Variants in ZBTB20 observed in about 807,000 individuals in gnomAD.
The protein encoded by ZBTB20 is zinc finger and BTB domain containing 20, also known as zinc finger and BTB domain-containing protein 20.
A neutral mutation model predicts 56.9 loss-of-function variants in ZBTB20; 9 were observed. The observed-to-expected ratio is 0.16, with a 90% CI of 0.10 to 0.28. The LOEUF (loss-of-function observed/expected upper bound fraction) is 0.28, where lower values mean the gene tolerates loss of function less well. Ranked by LOEUF, ZBTB20 falls within the 10% of genes least tolerant of loss-of-function variation. The pLI is 1.00. For synonymous variants in ZBTB20, 417 were observed against 420.7 expected, an observed-to-expected ratio of 0.99 and a Z score of 0.11; for missense variants, 655 against 1,003.0, an observed-to-expected ratio of 0.65 and a Z score of 4.69.
intron 11 of ZBTB20, among the ~76,000 whole-genome samples, chr3:114,344,229 A>AT (rs1285906300): frequency 1.3e-5 from 2 of 152,212 alleles, no homozygotes; most frequent in Non-Finnish European, 2.9e-5. Context: ...CAACTAAGAT[A>AT]TTTTAGTTTT....
chr3:114,517,736 C>T (rs900197890), intron 6 of ZBTB20, among the ~76,000 whole-genome samples: 12 of 151,892 alleles, frequency 7.9e-5, no homozygotes, highest in Non-Finnish European at 1.2e-4. Flanking sequence ...CTACCATGCC[C>T]GGCTAATTTT....
At chr3:114,550,668 A>T (rs1363544695) in intron 6 of ZBTB20, among the ~76,000 whole-genome samples, 1 of 152,024 alleles carries the variant, frequency 6.6e-6, no homozygotes, top group Admixed American at 6.5e-5. Context: ...TCCATTCTTG[A>T]TCTCTTTATT....
chr3:114,417,900 T>G (rs934407085), intron 7 of ZBTB20, among the ~76,000 whole-genome samples: 1 of 152,070 alleles, frequency 6.6e-6, no homozygotes, highest in African/African-American at 2.4e-5. Flanking sequence ...GTATTGCACA[T>G]GAACTTGGAT....
chr3:114,499,711 T>C (rs1203461134), intron 7 of ZBTB20, among the ~76,000 whole-genome samples: 1 of 152,164 alleles, frequency 6.6e-6, no homozygotes, highest in Non-Finnish European at 1.5e-5. Context: ...AACGTTCTCT[T>C]TTTTTTCATA....
chr3:114,684,392 A>T (rs192461014), intron 6 of ZBTB20, among the ~76,000 whole-genome samples: 1 of 152,144 alleles, frequency 6.6e-6, no homozygotes, highest in African/African-American at 2.4e-5. Context: ...TTGTTTTTGT[A>T]TCTGGTTTGT....
intron 6 of ZBTB20, among the ~76,000 whole-genome samples, chr3:114,595,832 G>A (rs2056268178): frequency 6.6e-6 from 1 of 152,196 alleles, no homozygotes. Flanking sequence ...CATGGGTTAA[G>A]AGCTCACAGC....
intron 6 of ZBTB20, among the ~76,000 whole-genome samples, chr3:114,595,273 C>G (rs1244297715): frequency 6.6e-6 from 1 of 152,172 alleles, no homozygotes; most frequent in Admixed American, 6.5e-5. Flanking sequence ...TATAGCTGGT[C>G]AAATGCACTG....
chr3:114,526,862 G>GA (rs2047275891), intron 6 of ZBTB20, among the ~76,000 whole-genome samples: 1 of 152,182 alleles, frequency 6.6e-6, no homozygotes, highest in Admixed American at 6.6e-5. Flanking sequence ...CAGTTTGGAA[G>GA]AATTAGTCTC....
At chr3:114,966,993 T>A (rs1316525661) in intron 3 of ZBTB20, among the ~76,000 whole-genome samples, 1 of 152,156 alleles carries the variant, frequency 6.6e-6, no homozygotes, top group East Asian at 1.9e-4. Context: ...TAAATTAACT[T>A]TCTGTTATGA....
intron 11 of ZBTB20, among the ~76,000 whole-genome samples, chr3:114,348,863 C>T (rs951817382): frequency 2.0e-5 from 3 of 152,046 alleles, no homozygotes; most frequent in Admixed American, 1.3e-4. Context: ...TATCAGAATT[C>T]GAGTATGTAA....
At chr3:114,861,671 G>GACACACACCACACACACACAC (rs2075534184) in intron 4 of ZBTB20, 1 of 135,452 alleles carries the variant, frequency 7.4e-6, no homozygotes, top group African/African-American at 2.6e-5. Flanking sequence ...ATGCTGACAA[G>GACACACACCACACACACACAC]ACACACACCA....
chr3:115,087,819 C>CCAT (rs2083043733), intron 1 of ZBTB20, among the ~76,000 whole-genome samples: 1 of 151,946 alleles, frequency 6.6e-6, no homozygotes, highest in Admixed American at 6.6e-5. Flanking sequence ...CACCCACATG[C>CCAT]CATCAGTTAT....
intron 6 of ZBTB20, among the ~76,000 whole-genome samples, chr3:114,517,281 T>C (rs114189401): frequency 2.2e-3 from 330 of 152,374 alleles, no homozygotes; most frequent in African/African-American, 7.4e-3. Context: ...CCACCTTGTA[T>C]AGTTTAAATT....
chr3:114,979,231 T>C (rs2078233341), intron 2 of ZBTB20, among the ~76,000 whole-genome samples: 2 of 151,976 alleles, frequency 1.3e-5, no homozygotes, highest in Non-Finnish European at 2.9e-5. Flanking sequence ...AACATACTTT[T>C]ACAAGAGAAA....
intron 6 of ZBTB20, among the ~76,000 whole-genome samples, chr3:114,675,153 C>T (rs937876547): frequency 6.6e-6 from 1 of 151,142 alleles, no homozygotes; most frequent in Non-Finnish European, 1.5e-5. Flanking sequence ...ATAGCCAATG[C>T]CCTGATCTTC....
intron 7 of ZBTB20, among the ~76,000 whole-genome samples, chr3:114,426,945 A>G (rs2108860351): frequency 6.6e-6 from 1 of 152,368 alleles, no homozygotes; most frequent in East Asian, 1.9e-4. Flanking sequence ...ATAAAAAACA[A>G]AAATGAAAAA....
At chr3:114,916,170 T>C (rs1376714506) in intron 3 of ZBTB20, among the ~76,000 whole-genome samples, 1 of 152,140 alleles carries the variant, frequency 6.6e-6, no homozygotes, top group South Asian at 2.1e-4. Flanking sequence ...CAGCTATTAC[T>C]GTACTGGGGT....
chr3:114,927,907 T>C (rs888492628), intron 3 of ZBTB20, among the ~76,000 whole-genome samples: 1 of 152,230 alleles, frequency 6.6e-6, no homozygotes, highest in African/African-American at 2.4e-5. Context: ...AAGAAAATTA[T>C]CATTTTAAAT....
chr3:114,616,997 T>C (rs1313916684), intron 6 of ZBTB20, among the ~76,000 whole-genome samples: 1 of 152,226 alleles, frequency 6.6e-6, no homozygotes, highest in Admixed American at 6.5e-5. Flanking sequence ...TTGTCCTAGT[T>C]CAGGGCTTCA....
Sources: gnomAD v4.1 joint callset for allele counts (sites outside exome capture counted in the v4.1 genomes callset) on GRCh38, gnomAD v4.1.1 for gene constraint, MANE v1.5 for transcripts, NCBI Gene and HGNC (gene_info 2026-07-23, HGNC 2026-07-21) for gene names.